DGKB: variants seen among roughly 807,000 people sequenced by gnomAD.
The protein encoded by DGKB is diacylglycerol kinase beta.
DGKB carries 67 observed loss-of-function variants against 114.3 expected under a neutral mutation model. That is an observed-to-expected ratio of 0.59 (90% CI 0.48 to 0.72). DGKB has a LOEUF of 0.72. Among genes scored for constraint, DGKB ranks in the 30% least tolerant of loss-of-function variants. The pLI, the probability that DGKB is intolerant of heterozygous loss-of-function variation, is 0.00. For missense variants in DGKB, 907 were observed against 975.2 expected (o/e 0.93, Z 0.93); for synonymous variants, 398 against 323.1 (o/e 1.23, Z -2.49).
At chr7:14,778,072 T>C (rs1036645433) in intron 2 of DGKB, among the ~76,000 whole-genome samples, 1 of 152,218 alleles carries the variant, frequency 6.6e-6, no homozygotes, top group African/African-American at 2.4e-5. Context: ...TCAGTATTAG[T>C]AAATTTTCTG....
At chr7:14,159,721 G>A (rs1783570676) in intron 25 of DGKB, among the ~76,000 whole-genome samples, 1 of 152,190 alleles carries the variant, frequency 6.6e-6, no homozygotes, top group African/African-American at 2.4e-5. Flanking sequence ...CCAGGATGGA[G>A]TGCAGTGGCG....
intron 13 of DGKB, among the ~76,000 whole-genome samples, chr7:14,652,933 T>C (rs976010177): frequency 6.0e-4 from 91 of 151,560 alleles, no homozygotes; most frequent in African/African-American, 2.1e-3. Flanking sequence ...ATCAGAGAAA[T>C]GCAAATCAAA....
At chr7:14,640,394 G>C (rs890365834) in intron 13 of DGKB, among the ~76,000 whole-genome samples, 7 of 152,172 alleles carry the variant, frequency 4.6e-5, no homozygotes, top group African/African-American at 1.7e-4. Context: ...AAAAATATTT[G>C]TGGTCAAGAT....
intron 23 of DGKB, among the ~76,000 whole-genome samples, chr7:14,275,655 G>A (rs1218088118): frequency 6.6e-6 from 1 of 152,160 alleles, no homozygotes; most frequent in Non-Finnish European, 1.5e-5. Context: ...CAGAAGACAA[G>A]CAACAGCTGA....
At chr7:14,355,312 A>G (rs1814236787) in intron 21 of DGKB, among the ~76,000 whole-genome samples, 1 of 152,126 alleles carries the variant, frequency 6.6e-6, no homozygotes, top group Non-Finnish European at 1.5e-5. Context: ...TTCCAACACT[A>G]TGTTGAATAG....
chr7:14,892,325 T>G (rs2128226744), intron 1 of DGKB, among the ~76,000 whole-genome samples: 1 of 151,274 alleles, frequency 6.6e-6, no homozygotes. Context: ...CAAGGATAAT[T>G]GACTTACCTT....
chr7:14,461,142 A>G (rs561694447), intron 21 of DGKB, among the ~76,000 whole-genome samples: 9 of 152,334 alleles, frequency 5.9e-5, no homozygotes, highest in Admixed American at 2.6e-4. Context: ...CCCACAGGAA[A>G]GAGCAGGAAA....
chr7:14,901,567 T>C (rs1405809454), intron 1 of DGKB, among the ~76,000 whole-genome samples: 1 of 152,010 alleles, frequency 6.6e-6, no homozygotes, highest in African/African-American at 2.4e-5. Context: ...AAGTCTAACA[T>C]TTTTGTGTAA....
In DGKB at chr7:14,692,936, A is replaced by G. The variant is rs143750705; in HGVS notation, c.711+1139T>C. Among the ~76,000 whole-genome samples, 384 of 152,238 alleles carry G rather than the reference A, an allele frequency of 2.5e-3. 1 individual carries two copies. The highest frequency in any genetic ancestry group is 4.2e-3 in the Non-Finnish European group (288 of 67,984). On this transcript the variant is annotated intron_variant, in intron 9 of 25. Transcript: ENST00000402815. ...ATTCCTTAACCCTCAGCTCATTTGT[A>G]TATTCCTAAAGCCCATTTATATATT...
At chr7:14,197,270 C>G (rs1237881648) in intron 23 of DGKB, among the ~76,000 whole-genome samples, 2 of 151,932 alleles carry the variant, frequency 1.3e-5, no homozygotes, top group African/African-American at 4.8e-5. Context: ...GAAAATTATT[C>G]TATTTAGTCG....
rs1300368621 is a variant in DGKB, at chr7:14,611,797, T to C, written c.1358+1543A>G. On this transcript the variant is annotated intron_variant, in intron 16 of 25. Transcript: ENST00000402815. ...TTCAACTAAGGGTCATTCTACATGA[T>C]TCATATTATCTTAATTGGAGAAAAA... Among the ~76,000 whole-genome samples, 4 of 151,894 alleles carry C rather than the reference T, an allele frequency of 2.6e-5. No homozygotes were observed. In the South Asian group the frequency reaches 6.2e-4, roughly 24 times the overall value.
chr7:14,412,868 C>T (rs1056922771), intron 21 of DGKB, among the ~76,000 whole-genome samples: 2 of 151,906 alleles, frequency 1.3e-5, no homozygotes, highest in Admixed American at 1.3e-4. Flanking sequence ...GTAATCCCAG[C>T]TACTCAGGAG....
At chr7:14,403,573 T>C (rs1823471954) in intron 21 of DGKB, among the ~76,000 whole-genome samples, 1 of 151,970 alleles carries the variant, frequency 6.6e-6, no homozygotes, top group Non-Finnish European at 1.5e-5. Context: ...CAATTCATGC[T>C]GCTTTCTGCC....
intron 20 of DGKB, among the ~76,000 whole-genome samples, chr7:14,560,457 G>A (rs781677299): frequency 6.6e-6 from 1 of 152,132 alleles, no homozygotes; most frequent in African/African-American, 2.4e-5. Context: ...CAATTATGAA[G>A]TAGTTGTCTT....
At chr7:14,412,032 T>A (rs10950523) in intron 21 of DGKB, among the ~76,000 whole-genome samples, 4 of 152,100 alleles carry the variant, frequency 2.6e-5, no homozygotes, top group African/African-American at 7.2e-5. Context: ...TTTTGTTTAC[T>A]TGTGTGGTTA....
At chr7:14,861,956 C>A (rs1177264862) in intron 1 of DGKB, among the ~76,000 whole-genome samples, 1 of 151,926 alleles carries the variant, frequency 6.6e-6, no homozygotes, top group Non-Finnish European at 1.5e-5. Context: ...TCACCGTTTT[C>A]CAAAGAGTGT....
chr7:14,682,548 C>T lies in DGKB; in HGVS notation c.1035+5G>A. On this transcript the variant is annotated splice_donor_5th_base_variant and intron_variant, in intron 12 of 25. Transcript: ENST00000402815. The stretch of plus-strand genomic sequence containing the variant: ...GCTGGGATTTGTTTTCCAATTTTTA[C>T]TCACTGTGATCTGACACCAAACACA... 2.5e-6 allele frequency: 4 copies of T among 1,597,766 alleles called. No homozygotes were observed. The highest frequency in any genetic ancestry group is 3.4e-6 in the Non-Finnish European group (4 of 1,165,658).
intron 23 of DGKB, among the ~76,000 whole-genome samples, chr7:14,265,031 G>A (rs1562782321): frequency 6.6e-6 from 1 of 152,066 alleles, no homozygotes; most frequent in Non-Finnish European, 1.5e-5. Flanking sequence ...AGGACTTTAA[G>A]TAGACTGTCA....
At chr7:14,786,705 G>A (rs1206671784) in intron 2 of DGKB, among the ~76,000 whole-genome samples, 2 of 152,174 alleles carry the variant, frequency 1.3e-5, no homozygotes, top group Non-Finnish European at 2.9e-5. Flanking sequence ...TCACAACCTG[G>A]CCAGATGTGC....
Sources: gnomAD v4.1 joint callset for allele counts (sites outside exome capture counted in the v4.1 genomes callset) on GRCh38, gnomAD v4.1.1 for gene constraint, MANE v1.5 for transcripts, NCBI Gene and HGNC (gene_info 2026-07-23, HGNC 2026-07-21) for gene names.